Variants in NCKAP5 observed in about 807,000 individuals in gnomAD.
NCKAP5 encodes the protein nck-associated protein 5.
Under a neutral mutation model 167.0 loss-of-function variants are expected in NCKAP5, and 92 were observed. That is an observed-to-expected ratio of 0.55 (90% CI 0.47 to 0.66). The LOEUF is 0.66. Among genes scored for constraint, NCKAP5 ranks in the 30% least tolerant of loss-of-function variants. The pLI, the probability that NCKAP5 is intolerant of heterozygous loss-of-function variation, is 0.00. For synonymous variants in NCKAP5, 891 were observed against 877.4 expected (o/e 1.02, Z -0.27); for missense variants, 2,378 against 2,315.0 (o/e 1.03, Z -0.56).
intron 11 of NCKAP5, among the ~76,000 whole-genome samples, chr2:132,826,137 G>C (rs1425899864): frequency 1.3e-5 from 2 of 152,164 alleles, no homozygotes; most frequent in Non-Finnish European, 2.9e-5. Context: ...CCATGAATGT[G>C]TACACACCTT....
chr2:133,547,308 C>A (rs1004446493), intron 2 of NCKAP5, among the ~76,000 whole-genome samples: 1 of 152,176 alleles, frequency 6.6e-6, no homozygotes, highest in Admixed American at 6.5e-5. Context: ...GGGAGGGGCA[C>A]CCGCCATTGC....
rs184690753 is a variant in NCKAP5, at chr2:132,769,215, T to G, written c.5128+4601A>C. Among the ~76,000 whole-genome samples the G allele has an allele frequency of 9.4e-4, 143 of 152,292 alleles. 2 individuals are homozygous for G. The highest frequency in any genetic ancestry group is 2.2e-3 in the Admixed American group (33 of 15,300). Reference sequence around the variant, plus strand: ...CTGCTGCCTCAGCCTCCCAAAGTGCTGGGATTACAGAGATCAGCCACTACG... The same window carrying G: ...CTGCTGCCTCAGCCTCCCAAAGTGCGGGGATTACAGAGATCAGCCACTACG... On this transcript the variant is annotated intron_variant, in intron 16 of 19. Coordinates refer to ENST00000409261, the MANE Select transcript of NCKAP5 (RefSeq NM_207363.3).
At chr2:132,839,780 A>AT (rs869038151) in intron 11 of NCKAP5, among the ~76,000 whole-genome samples, 1 of 147,624 alleles carries the variant, frequency 6.8e-6, no homozygotes, top group Non-Finnish European at 1.5e-5. Flanking sequence ...AAAAAAAAAA[A>AT]GGCGCAAATA....
At chr2:133,404,983 A>C (rs1019103142) in intron 3 of NCKAP5, among the ~76,000 whole-genome samples, 1 of 152,178 alleles carries the variant, frequency 6.6e-6, no homozygotes, top group African/African-American at 2.4e-5. Context: ...GCTTCCCACT[A>C]AACTTAGAAC....
intron 3 of NCKAP5, among the ~76,000 whole-genome samples, chr2:133,344,438 C>A (rs200911017): frequency 6.4e-4 from 95 of 149,076 alleles, no homozygotes; most frequent in African/African-American, 2.3e-3. Flanking sequence ...AATAAAAACG[C>A]GAGGCAGGGA....
the NCKAP5 span, among the ~76,000 whole-genome samples, chr2:133,668,235 A>G: frequency 1.3e-5 from 2 of 152,000 alleles, no homozygotes; most frequent in African/African-American, 4.8e-5. Context: ...TAATGTTGCT[A>G]TGAACATCCA....
chr2:133,584,161 A>G, the NCKAP5 span, among the ~76,000 whole-genome samples: 1 of 152,234 alleles, frequency 6.6e-6, no homozygotes, highest in African/African-American at 2.4e-5. Context: ...TGTGGTTTCC[A>G]TATTCCTAGG....
intron 8 of NCKAP5, among the ~76,000 whole-genome samples, chr2:132,920,771 G>GTATATATATATATATATA (rs55895538): frequency 3.2e-5 from 1 of 31,568 alleles, no homozygotes; most frequent in Non-Finnish European, 6.5e-5. Context: ...ATATATGTAT[G>GTATATATATATATATATA]TATATATATA....
At chr2:132,870,272 A>G (rs754961239) in intron 9 of NCKAP5, among the ~76,000 whole-genome samples, 2 of 152,170 alleles carry the variant, frequency 1.3e-5, no homozygotes, top group African/African-American at 2.4e-5. Context: ...ACTAAACTTC[A>G]CTATTACCTT....
rs201696194 is a variant in NCKAP5 at position 133,244,615 on chromosome 2, AT to A, written c.144-30837del. On this transcript the variant is annotated intron_variant, in intron 4 of 19. Coordinates refer to ENST00000409261, the MANE Select transcript of NCKAP5 (RefSeq NM_207363.3). ...TTTGAAGCAAAACATATAAATATAT[AT>A]TTAAAAAAACAGGCCCATGGGAGAA... Among the ~76,000 whole-genome samples, 4 of 151,104 alleles carry A rather than the reference AT, an allele frequency of 2.6e-5. 1 individual carries two copies. The highest frequency in any genetic ancestry group is 5.9e-5 in the Non-Finnish European group (4 of 68,010).
the NCKAP5 span, among the ~76,000 whole-genome samples, chr2:133,605,074 G>A: frequency 6.6e-6 from 1 of 152,152 alleles, no homozygotes. Flanking sequence ...AATTAATACA[G>A]ATTTATCTAC....
At chr2:133,156,059 T>G (rs115849970) in intron 5 of NCKAP5, among the ~76,000 whole-genome samples, 3,880 of 152,204 alleles carry the variant, frequency 0.025, 78 homozygotes, top group Middle Eastern at 0.082. Context: ...GTCCCCAGTT[T>G]CTGTACTGTC....
chr2:133,627,886 G>A, the NCKAP5 span, among the ~76,000 whole-genome samples: 1 of 152,160 alleles, frequency 6.6e-6, no homozygotes, highest in African/African-American at 2.4e-5. Flanking sequence ...AGAAGGTGGA[G>A]TCTGCTTCCC....
At chr2:132,694,368 C>T (rs539602189) in intron 19 of NCKAP5, among the ~76,000 whole-genome samples, 6 of 152,260 alleles carry the variant, frequency 3.9e-5, no homozygotes, top group South Asian at 4.1e-4. Context: ...CACATCAGCA[C>T]GCCTGCTGTG....
At chr2:133,142,133 A>G (rs910665821) in intron 5 of NCKAP5, among the ~76,000 whole-genome samples, 10 of 152,164 alleles carry the variant, frequency 6.6e-5, no homozygotes, top group African/African-American at 2.4e-4. Context: ...GAGTGAGTGC[A>G]GTTAATCTAC....
At chr2:133,199,255 A>G (rs919999390) in intron 5 of NCKAP5, among the ~76,000 whole-genome samples, 2 of 152,070 alleles carry the variant, frequency 1.3e-5, no homozygotes, top group Admixed American at 6.6e-5. Flanking sequence ...GAGTTTTAAT[A>G]CTAGACTGCT....
At chr2:132,945,244 A>C (rs981684142) in intron 8 of NCKAP5, among the ~76,000 whole-genome samples, 15 of 151,562 alleles carry the variant, frequency 9.9e-5, no homozygotes, top group Non-Finnish European at 1.9e-4. Flanking sequence ...AGTCCCACTT[A>C]CATCAACAAA....
chr2:132,790,065 G>C lies in NCKAP5; in HGVS notation c.1050C>G (p.Gly350=). 1.9e-6 allele frequency: 3 copies of C among 1,613,316 alleles called. No individual in the cohort carries two copies. The highest frequency in any genetic ancestry group is 1.3e-5 in the African/African-American group (1 of 75,024). The part of the protein sequence containing the change: ...LSSTCSEYSS[G]SSYTWHDGKN... ...TCCCATCGTGCCACGTGTAGGAGGA[G>C]CCACTGGAGTACTCGCTGCAGGTGC... The change falls in exon 13 of 20, where the codon GGC becomes GGG. Residue 350 remains glycine, a synonymous_variant. Coordinates refer to ENST00000409261, the MANE Select transcript of NCKAP5 (RefSeq NM_207363.3).
At chr2:133,078,446 G>A (rs2080686826) in intron 6 of NCKAP5, among the ~76,000 whole-genome samples, 1 of 152,082 alleles carries the variant, frequency 6.6e-6, no homozygotes, top group African/African-American at 2.4e-5. Flanking sequence ...GGAACCTGTA[G>A]CTTTACAGTT....
Sources: gnomAD v4.1 joint callset for allele counts (sites outside exome capture counted in the v4.1 genomes callset) on GRCh38, gnomAD v4.1.1 for gene constraint, MANE v1.5 for transcripts, NCBI Gene and HGNC (gene_info 2026-07-23, HGNC 2026-07-21) for gene names.